SERPINB8: variants seen among roughly 807,000 people sequenced by gnomAD.
SERPINB8 encodes the protein serpin B8.
Under a neutral mutation model 35.3 loss-of-function variants are expected in SERPINB8, and 25 were observed. The ratio of observed to expected loss-of-function variants is 0.71; its 90% CI spans 0.52 to 0.99. The LOEUF (loss-of-function observed/expected upper bound fraction) is 0.99, where lower values mean the gene tolerates loss of function less well. SERPINB8 is among the 50% of genes least tolerant of loss of function. The pLI, the probability that SERPINB8 is intolerant of heterozygous loss-of-function variation, is 0.00. For missense variants in SERPINB8, 484 were observed against 446.5 expected (o/e 1.08, Z -0.76); for synonymous variants, 186 against 160.8 (o/e 1.16, Z -1.19).
downstream of SERPINB8, among the ~76,000 whole-genome samples, chr18:63,994,348 T>A (rs2144835610): frequency 6.6e-6 from 1 of 152,154 alleles, no homozygotes; most frequent in East Asian, 1.9e-4. Context: ...TCTCTCTCTC[T>A]CTCTCTCTCA....
intron 6 of SERPINB8, among the ~76,000 whole-genome samples, 187 bp downstream of exon 6, chr18:63,985,432 G>C (rs2050739196): frequency 6.6e-6 from 1 of 152,186 alleles, no homozygotes; most frequent in Non-Finnish European, 1.5e-5. Context: ...ACATATATGA[G>C]TGGACAAGTT....
At position 63,981,772 on chromosome 18, in the gene SERPINB8, T is replaced by C; in HGVS notation, c.358T>C (p.Ser120Pro). 2 of 1,614,026 alleles carry C rather than the reference T, an allele frequency of 1.2e-6. No individual in the cohort carries two copies. The highest frequency in any genetic ancestry group is 1.7e-6 in the Non-Finnish European group (2 of 1,179,904). Reference protein sequence around the residue: ...KFYQAELEELSFAEDTEECRK... With the variant: ...KFYQAELEELPFAEDTEECRK... ...CTATCAGGCAGAGCTGGAGGAGTTG[T>C]CCTTTGCTGAAGACACTGAAGAGTG... Residue 120 changes from serine (S) to proline (P), a missense_variant, in exon 4 of 7, where the codon TCC becomes CCC. Coordinates refer to ENST00000397985, the MANE Select transcript of SERPINB8 (RefSeq NM_002640.4).
downstream of SERPINB8, among the ~76,000 whole-genome samples, chr18:64,005,868 TAAAGGAAAA>T (rs2144845546): frequency 6.6e-6 from 1 of 152,250 alleles, no homozygotes; most frequent in African/African-American, 2.4e-5. Flanking sequence ...TGGCCTTACC[TAAAGGAAAA>T]ATAAATTTTC....
At position 63,986,950 on chromosome 18, in the gene SERPINB8, T is replaced by A; in HGVS notation, c.797T>A (p.Val266Asp). Reference sequence around the variant, plus strand: ...AAGTTGACAAAAAGTAAGGTTCAAGTTTTCCTTCCCAGATTAAAGCTGGAG... The same window carrying A: ...AAGTTGACAAAAAGTAAGGTTCAAGATTTCCTTCCCAGATTAAAGCTGGAG... ...SEKLTKSKVQ[V>D]FLPRLKLEES... Residue 266 changes from valine to aspartate, a missense_variant, in exon 7 of 7, where the codon GTT becomes GAT. Coordinates refer to ENST00000397985, the MANE Select transcript of SERPINB8 (RefSeq NM_002640.4). 2 of 1,614,140 alleles carry A rather than the reference T, an allele frequency of 1.2e-6. No individual in the cohort carries two copies. Among genetic ancestry groups the A allele is most frequent in the Non-Finnish European group, 1.7e-6 (2 of 1,180,012 alleles).
At chr18:63,990,256 A>G (rs2050817891), downstream of SERPINB8, among the ~76,000 whole-genome samples, 1 of 151,544 alleles carries the variant, frequency 6.6e-6, no homozygotes, top group African/African-American at 2.4e-5. Flanking sequence ...TTGTATTTTT[A>G]GTAGATACAG....
chr18:64,006,591 C>A (rs2050901095), downstream of SERPINB8, among the ~76,000 whole-genome samples: 1 of 152,180 alleles, frequency 6.6e-6, no homozygotes, highest in Non-Finnish European at 1.5e-5. Flanking sequence ...CCAAATTTCT[C>A]TTATTTAAGC....
At chr18:63,996,192 A>G (rs1180117231) in intron 1 of SERPINB8, among the ~76,000 whole-genome samples, 8 of 152,212 alleles carry the variant, frequency 5.3e-5, no homozygotes, top group Non-Finnish European at 1.0e-4. Context: ...AACCATAAAT[A>G]TTAGTTTTAT....
chr18:63,974,265 G>A (rs1463501975), intron 1 of SERPINB8, among the ~76,000 whole-genome samples: 1 of 152,154 alleles, frequency 6.6e-6, no homozygotes, highest in African/African-American at 2.4e-5. Context: ...TCTTTAGGGT[G>A]TAAGCTTCTG....
Sources: allele counts gnomAD v4.1 joint callset (sites outside exome capture counted in the v4.1 genomes callset), GRCh38; gene constraint gnomAD v4.1.1; transcripts MANE v1.5; gene names NCBI Gene and HGNC (gene_info 2026-07-23, HGNC 2026-07-21).